The following SERAC1 variants were observed in gnomAD, a reference collection of about 807,000 sequenced individuals.
SERAC1 encodes protein SERAC1.
A neutral mutation model predicts 85.7 loss-of-function variants in SERAC1; 36 were observed. The observed-to-expected ratio is 0.42, with a 90% CI of 0.32 to 0.55. The LOEUF (loss-of-function observed/expected upper bound fraction) is 0.55, where lower values mean the gene tolerates loss of function less well. SERAC1 is among the 20% of genes least tolerant of loss of function. The probability of loss-of-function intolerance (pLI) is 0.11; values close to 1 mark genes in which losing one functional copy is unlikely to be tolerated. For synonymous variants in SERAC1, 242 were observed against 265.3 expected, an observed-to-expected ratio of 0.91 and a Z score of 0.85; for missense variants, 629 against 796.2, an observed-to-expected ratio of 0.79 and a Z score of 2.53.
chr6:158,115,259 T>C (rs1784257580), intron 14 of SERAC1, among the ~76,000 whole-genome samples: 1 of 152,196 alleles, frequency 6.6e-6, no homozygotes, highest in African/African-American at 2.4e-5. Context: ...GAACATGAGG[T>C]ATGCCCAGCT....
chr6:158,150,306 T>C lies in SERAC1; in HGVS notation c.265+147A>G, dbSNP rs6916741. 0.012 allele frequency: 7,117 copies of C among 573,876 alleles called. 379 individuals carry two copies. The highest frequency in any genetic ancestry group is 0.12 in the African/African-American group (6,385 of 53,458). The allele number at this position is 573,876 out of a possible 1,614,324, so 35.5% of individuals were successfully genotyped here. A position where few individuals can be genotyped will look rare whatever the true frequency, so the allele number is the denominator to read the frequency against. On this transcript the variant is annotated intron_variant, in intron 4 of 16. Transcript: ENST00000647468. ...GCCTAAACTTTGGTCCTCAATTAAT[T>C]CTTCAGGAACTTGGTTTTCACGGGG...
chr6:158,120,326 TTTAAC>T lies in SERAC1; in HGVS notation c.1166+94_1166+98del, dbSNP rs1784387942. ...AATAAGATATTTGACTTATAAGTTA[TTTAAC>T]TTATCTGAATTATGCAGAAATAAGT... On this transcript the variant is annotated intron_variant, in intron 11 of 16. Coordinates refer to ENST00000647468, the MANE Select transcript of SERAC1 (RefSeq NM_032861.4). The surrounding 1 kb of genome is among the most constrained non-coding windows in gnomAD (Gnocchi z 4.4). 2.5e-6 allele frequency: 3 copies of T among 1,211,260 alleles called. No homozygotes were observed. Among genetic ancestry groups the T allele is most frequent in the Non-Finnish European group, 3.4e-6 (3 of 882,350 alleles). The allele number at this position is 1,211,260 out of a possible 1,614,324, so 75.0% of individuals were successfully genotyped here. A position where few individuals can be genotyped will look rare whatever the true frequency, so the allele number is the denominator to read the frequency against.
chr6:158,123,411 G>T (rs761123218), intron 10 of SERAC1, among the ~76,000 whole-genome samples: 81 of 152,298 alleles, frequency 5.3e-4, no homozygotes, highest in Non-Finnish European at 1.1e-3. Flanking sequence ...AAAGAACAGG[G>T]TTTGGTTTTT....
At position 158,168,187 on chromosome 6, in the gene SERAC1, G is replaced by A. The variant is rs1468827528; in HGVS notation, c.-49C>T. The A allele has an allele frequency of 1.3e-5, 2 of 151,540 alleles. No homozygotes were observed. Among genetic ancestry groups the A allele is most frequent in the South Asian group, 2.1e-4 (1 of 4,782 alleles). 9.4% of individuals were successfully genotyped at this position (151,540 alleles called of 1,614,324 possible). On this transcript the variant is annotated 5_prime_UTR_variant, in exon 1 of 17. In the 5' UTR this introduces an upstream ATG that the reference lacks. Coordinates refer to ENST00000647468, the MANE Select transcript of SERAC1 (RefSeq NM_032861.4). ...CGTGCCCAACTGCTCGTCGGACCCCGTTGTCTGGGGAGCCCTACTCTTTCC... is the reference window on the plus strand; with the variant it reads ...CGTGCCCAACTGCTCGTCGGACCCCATTGTCTGGGGAGCCCTACTCTTTCC...
intron 1 of SERAC1, among the ~76,000 whole-genome samples, chr6:158,166,474 A>C (rs1018786718): frequency 6.6e-6 from 1 of 152,148 alleles, no homozygotes; most frequent in African/African-American, 2.4e-5. Context: ...TGACTTCACT[A>C]TTCTTGGTCC....
At chr6:158,114,662 A>G in intron 15 of SERAC1, 127 bp downstream of exon 15, 1 of 1,465,218 alleles carries the variant, frequency 6.8e-7, no homozygotes. Flanking sequence ...ATTTCCATGA[A>G]TAGTCTAAAC....
At chr6:158,160,186 G>A (rs1011331957) in intron 1 of SERAC1, among the ~76,000 whole-genome samples, 3 of 150,526 alleles carry the variant, frequency 2.0e-5, no homozygotes, top group Non-Finnish European at 3.0e-5. Flanking sequence ...ACTGATTTGC[G>A]CACTTGTCGA....
rs115313616 is a variant in SERAC1 at position 158,115,664 on chromosome 6, A to G, written c.1501+521T>C. On this transcript the variant is annotated intron_variant, in intron 14 of 16. Coordinates refer to ENST00000647468, the MANE Select transcript of SERAC1 (RefSeq NM_032861.4). ...TCAAAGTGGACTGGGGGAGTCGCACACAGGGGAGGCCATTCCATAAGCAAC... is the reference window on the plus strand; with the variant it reads ...TCAAAGTGGACTGGGGGAGTCGCACGCAGGGGAGGCCATTCCATAAGCAAC... Among the ~76,000 whole-genome samples, 1,035 of 152,256 alleles carry G rather than the reference A, an allele frequency of 6.8e-3. 16 individuals are homozygous for G. Among genetic ancestry groups the G allele is most frequent in the African/African-American group, 0.024 (987 of 41,554 alleles).
In SERAC1 at chr6:158,158,505, TA is replaced by T. The variant is rs67401045; in HGVS notation, c.-1-142del. ...AAGACTACGAAGAAAACTTTCCAAT[TA>T]AAAAAAAAATTCTCCATTAAAAACT... is the stretch of plus-strand genomic sequence containing the variant. On this transcript the variant is annotated intron_variant, in intron 1 of 16. Transcript: ENST00000647468. 145,228 of 500,622 alleles carry T rather than the reference TA, an allele frequency of 0.29. 21,551 individuals are homozygous for T. Among genetic ancestry groups the T allele is most frequent in the East Asian group, 0.49 (14,996 of 30,684 alleles). The allele number at this position is 500,622 out of a possible 1,614,324, so 31.0% of individuals were successfully genotyped here. A position where few individuals can be genotyped will look rare whatever the true frequency, so the allele number is the denominator to read the frequency against.
rs1419783026 is a variant in SERAC1 at position 158,119,421 on chromosome 6, T to C, written c.1167-251A>G. Among the ~76,000 whole-genome samples, 3 of 152,204 alleles carry C rather than the reference T, an allele frequency of 2.0e-5. No individual in the cohort carries two copies. Among genetic ancestry groups the C allele is most frequent in the Non-Finnish European group, 2.9e-5 (2 of 68,034 alleles). On this transcript the variant is annotated intron_variant, in intron 11 of 16. Transcript: ENST00000647468. The surrounding 1 kb of genome is among the most constrained non-coding windows in gnomAD (Gnocchi z 4.5). Reference sequence around the variant, plus strand: ...AGTCAGGCAGACCAACCACAATCAATTGTAATGAGCTTAGCAATCAATCAA... The same window carrying C: ...AGTCAGGCAGACCAACCACAATCAACTGTAATGAGCTTAGCAATCAATCAA...
intron 2 of SERAC1, among the ~76,000 whole-genome samples, chr6:158,156,879 G>A (rs182612764): frequency 2.3e-4 from 19 of 82,694 alleles, no homozygotes; most frequent in Middle Eastern, 0.014. Flanking sequence ...TATTTATATA[G>A]ATATTAATAT....
At chr6:158,147,638 C>T (rs1445207292) in intron 5 of SERAC1, among the ~76,000 whole-genome samples, 4 of 149,522 alleles carry the variant, frequency 2.7e-5, no homozygotes, top group African/African-American at 7.4e-5. Flanking sequence ...GGTGTGGTGG[C>T]GGGCGCCTGC....
intron 8 of SERAC1, 55 bp from the exon 9 acceptor site, chr6:158,130,541 TTG>T: frequency 9.1e-7 from 1 of 1,097,452 alleles, no homozygotes. Context: ...ATATTTTTGT[TTG>T]ACAAAAAAAA....
chr6:158,150,713 G>A (rs1249694309), intron 3 of SERAC1, 124 bp from the exon 4 acceptor site: 2 of 704,392 alleles, frequency 2.8e-6, no homozygotes, highest in Admixed American at 4.6e-5. Context: ...CATGTATACA[G>A]TAATATGCAT....
Position 158,148,858 on chromosome 6 carries a change from TA to T in SERAC1, c.355+6del. 5 of 1,593,516 alleles carry T rather than the reference TA, an allele frequency of 3.1e-6. No individual in the cohort carries two copies. The highest frequency in any genetic ancestry group is 4.3e-6 in the Non-Finnish European group (5 of 1,164,444). On this transcript the variant is annotated splice_donor_region_variant and intron_variant, in intron 5 of 16. Transcript: ENST00000647468. ...TAAGGATTCCAAGTCATATAGTGGA[TA>T]TTTACCAGCAAATGGATTCCGCAGT...
Position 158,117,536 on chromosome 6 carries a change from G to A in SERAC1, c.1403+191C>T. On this transcript the variant is annotated intron_variant, in intron 13 of 16. Transcript: ENST00000647468. This position sits in a 1 kb window ranked among gnomAD's most constrained non-coding sequence, Gnocchi z 4.3. Reference sequence around the variant, plus strand: ...AGCCCACCATTGGTGATATACCTAAGCCTTCTACTATTCCACTGCTTATTG... The same window carrying A: ...AGCCCACCATTGGTGATATACCTAAACCTTCTACTATTCCACTGCTTATTG... 6.4e-7 allele frequency: 1 copy of A among 1,550,622 alleles called. No homozygotes were observed. Among genetic ancestry groups the A allele is most frequent in the Non-Finnish European group, 8.7e-7 (1 of 1,146,938 alleles).
At chr6:158,152,398 C>G (rs1402394867) in intron 3 of SERAC1, among the ~76,000 whole-genome samples, 1 of 152,122 alleles carries the variant, frequency 6.6e-6, no homozygotes, top group Non-Finnish European at 1.5e-5. Context: ...CGCCTGTAAT[C>G]CCAGCTACTC....
chr6:158,141,538 C>G (rs1562448853), intron 8 of SERAC1, among the ~76,000 whole-genome samples: 1 of 152,082 alleles, frequency 6.6e-6, no homozygotes, highest in Non-Finnish European at 1.5e-5. Flanking sequence ...GTCTAGGAGC[C>G]CCCAGGGTCC....
rs1474392485 is a variant in SERAC1 at position 158,113,531 on chromosome 6, G to A, written c.1746C>T (p.Phe582=). 1 of 1,613,786 alleles carries A rather than the reference G, an allele frequency of 6.2e-7. No individual in the cohort carries two copies. The highest frequency in any genetic ancestry group is 8.5e-7 in the Non-Finnish European group (1 of 1,179,838). The change falls in exon 16 of 17, where the codon TTC becomes TTT. Residue 582 remains phenylalanine (F), a synonymous_variant. Transcript: ENST00000647468. ...DFLEFAKDKN[F]QVLNFVETLP... The stretch of plus-strand genomic sequence containing the variant: ...GTGTTTCCACAAAATTCAGCACCTG[G>A]AAGTTTTTGTCTTTAGCAAACTCCA...
Sources: allele counts gnomAD v4.1 joint callset (sites outside exome capture counted in the v4.1 genomes callset), GRCh38; gene constraint gnomAD v4.1.1; non-coding constraint Gnocchi (gnomAD v3.1); transcripts MANE v1.5; gene names NCBI Gene and HGNC (gene_info 2026-07-23, HGNC 2026-07-21).